Variants in ADGRG5 observed in about 807,000 individuals in gnomAD.
ADGRG5 encodes the protein adhesion G protein-coupled receptor G5, also known as G protein-coupled receptor 114.
Under a neutral mutation model 53.2 loss-of-function variants are expected in ADGRG5, and 37 were observed. The ratio of observed to expected loss-of-function variants is 0.70; its 90% CI spans 0.53 to 0.91. The LOEUF is 0.91. Among genes scored for constraint, ADGRG5 ranks in the 40% least tolerant of loss-of-function variants. The pLI is 0.00. For missense variants in ADGRG5, 614 were observed against 675.8 expected (o/e 0.91, Z 1.01); for synonymous variants, 277 against 290.4 (o/e 0.95, Z 0.47).
chr16:57,543,102 C>T (rs1263696765), intron 1 of ADGRG5: 1 of 152,024 alleles, frequency 6.6e-6, no homozygotes, highest in Admixed American at 6.6e-5. Flanking sequence ...ACAGTTTGTG[C>T]TTGGCAATCT....
chr16:57,567,604 C>G lies in ADGRG5; in HGVS notation c.821+13C>G. The stretch of plus-strand genomic sequence containing the variant: ...ACTTCCATTTCAGGTATTCCGCTGC[C>G]ACAGTGCTGGGCCTGCCCTGCACTG... On this transcript the variant is annotated intron_variant, in intron 8 of 11. Coordinates refer to ENST00000349457, the MANE Select transcript of ADGRG5 (RefSeq NM_001304376.3). The G allele has an allele frequency of 6.2e-7, 1 of 1,608,376 alleles. No homozygotes were observed. The highest frequency in any genetic ancestry group is 1.3e-5 in the African/African-American group (1 of 75,004).
intron 3 of ADGRG5, 128 bp from the exon 4 acceptor site, chr16:57,562,963 G>A (rs1419245765): frequency 5.0e-6 from 4 of 800,878 alleles, no homozygotes. Flanking sequence ...TGTGTGTGCA[G>A]TGGTCTGGAG....
the ADGRG5 span, among the ~76,000 whole-genome samples, chr16:57,535,080 C>A: frequency 6.6e-6 from 1 of 152,308 alleles, no homozygotes; most frequent in East Asian, 1.9e-4. Context: ...AAGCCCATGG[C>A]CACAGGCCTG....
intron 10 of ADGRG5, among the ~76,000 whole-genome samples, chr16:57,573,198 G>A (rs796087842): frequency 4.6e-5 from 7 of 152,218 alleles, no homozygotes; most frequent in East Asian, 1.9e-4. Flanking sequence ...TTGGAAGGCC[G>A]AGGCAGGTGG....
chr16:57,541,703 C>T (rs1418899205), upstream of ADGRG5, among the ~76,000 whole-genome samples: 2 of 152,176 alleles, frequency 1.3e-5, no homozygotes, highest in Non-Finnish European at 2.9e-5. Context: ...GAGCACATTC[C>T]TGAGTCAGTT....
At chr16:57,571,969 G>C (rs1362368152) in intron 10 of ADGRG5, among the ~76,000 whole-genome samples, 2 of 151,810 alleles carry the variant, frequency 1.3e-5, no homozygotes, top group African/African-American at 4.8e-5. Context: ...AATATGATGA[G>C]GACAAAGGAG....
At position 57,574,828 on chromosome 16, in the gene ADGRG5, A is replaced by C. The variant is rs780692197; in HGVS notation, c.1222A>C (p.Ser408Arg). The C allele has an allele frequency of 1.3e-6, 2 of 1,583,310 alleles. No homozygotes were observed. The highest frequency in any genetic ancestry group is 1.7e-6 in the Non-Finnish European group (2 of 1,161,430). Reference sequence around the variant, plus strand: ...CCTCCCCTGCAGATGCTGGGTGCGGAGCCCCGTGGTGCACAGTGTCCTGGT... The same window carrying C: ...CCTCCCCTGCAGATGCTGGGTGCGGCGCCCCGTGGTGCACAGTGTCCTGGT... ...FQNMSICWVR[S>R]PVVHSVLVMG... is the part of the protein sequence containing the mutation. The change falls in exon 11 of 12, where the codon AGC becomes CGC. Residue 408 changes from serine (S) to arginine (R), a missense_variant. Physicochemically the swap from Ser to Arg is moderately radical, Grantham distance 110. Transcript: ENST00000349457. The surrounding 1 kb of genome is among the most constrained non-coding windows in gnomAD (Gnocchi z 4.4).
At chr16:57,568,160 C>T (rs371540849) in intron 9 of ADGRG5, 36 bp downstream of exon 9, 91 of 1,606,946 alleles carry the variant, frequency 5.7e-5, no homozygotes, top group Non-Finnish European at 7.4e-5. Context: ...CCTCAGACTT[C>T]CAGGTGGGCA....
In ADGRG5 at chr16:57,556,908, C is replaced by CTTTTTTTTTTTTT. The variant is rs35948606; in HGVS notation, c.-38-5141_-38-5129dup. Among the ~76,000 whole-genome samples the CTTTTTTTTTTTTT allele has an allele frequency of 1.7e-3, 191 of 115,726 alleles. 8 individuals carry two copies. Among genetic ancestry groups the CTTTTTTTTTTTTT allele is most frequent in the African/African-American group, 6.6e-3 (182 of 27,408 alleles). 75.9% of individuals were successfully genotyped at this position (115,726 alleles called of 152,430 possible). Reference sequence around the variant, plus strand: ...GAAGAAGTTCTTATTTTGCCTTCTTCTTTTTTTTTTTTTTTTTTTGAGACA... The same window carrying CTTTTTTTTTTTTT: ...GAAGAAGTTCTTATTTTGCCTTCTTCTTTTTTTTTTTTTTTTTTTTTTTTTTTTTTTTGAGACA... On this transcript the variant is annotated intron_variant, in intron 1 of 11. Transcript: ENST00000349457.
chr16:57,570,141 C>T (rs1213134072), intron 9 of ADGRG5, among the ~76,000 whole-genome samples: 5 of 152,214 alleles, frequency 3.3e-5, no homozygotes, highest in African/African-American at 1.2e-4. Context: ...CAGCAGTTCC[C>T]CAGTCCTCCC....
upstream of ADGRG5, among the ~76,000 whole-genome samples, chr16:57,538,377 G>A (rs1344128745): frequency 6.6e-6 from 1 of 152,148 alleles, no homozygotes; most frequent in Admixed American, 6.5e-5. Context: ...AGCCAAAGCG[G>A]GAGGATCGCC....
chr16:57,562,691 A>T, intron 3 of ADGRG5: 1 of 562,464 alleles, frequency 1.8e-6, no homozygotes, highest in Non-Finnish European at 3.2e-6. Context: ...GTGCAGAATT[A>T]TGGGTCTCCA....
At position 57,565,091 on chromosome 16, in the gene ADGRG5, G is replaced by A; in HGVS notation, c.487G>A (p.Gly163Arg). The A allele has an allele frequency of 6.2e-7, 1 of 1,613,994 alleles. No homozygotes were observed. The highest frequency in any genetic ancestry group is 8.5e-7 in the Non-Finnish European group (1 of 1,179,922). ...NYVLGAQLSH[G>R]HVNNLRDPVN... ...CGTCCTGGGGGCCCAGCTGAGTCAT[G>A]GGCACGTGAACAACCTCAGGGATCC... The change falls in exon 6 of 12, where the codon GGG (glycine) becomes AGG (arginine). Residue 163 changes from glycine (G) to arginine (R), a missense_variant. Coordinates refer to ENST00000349457, the MANE Select transcript of ADGRG5 (RefSeq NM_001304376.3).
At chr16:57,557,522 G>A (rs2032910742) in intron 1 of ADGRG5, among the ~76,000 whole-genome samples, 1 of 152,004 alleles carries the variant, frequency 6.6e-6, no homozygotes, top group South Asian at 2.1e-4. Context: ...AAAAAAATTG[G>A]CCATTTTTTA....
At chr16:57,543,278 C>CTTTTTTTTTTTT (rs3030608) in intron 1 of ADGRG5, 1 of 81,498 alleles carries the variant, frequency 1.2e-5, no homozygotes, top group African/African-American at 4.8e-5. Context: ...TTTCTTAGGG[C>CTTTTTTTTTTTT]TTTTTTTTTT....
chr16:57,575,376 G>T, intron 11 of ADGRG5, 62 bp from the exon 12 acceptor site: 1 of 1,498,648 alleles, frequency 6.7e-7, no homozygotes, highest in Non-Finnish European at 9.3e-7. Flanking sequence ...CTGCAGCCAA[G>T]GAGACCCTGG....
At chr16:57,549,272 A>G (rs1232400473) in intron 1 of ADGRG5, among the ~76,000 whole-genome samples, 1 of 152,210 alleles carries the variant, frequency 6.6e-6, no homozygotes, top group Non-Finnish European at 1.5e-5. Context: ...CAGATCTTAG[A>G]CAGAGAGTGC....
chr16:57,557,793 T>G (rs2032915738), intron 1 of ADGRG5, among the ~76,000 whole-genome samples: 1 of 152,174 alleles, frequency 6.6e-6, no homozygotes, highest in African/African-American at 2.4e-5. Context: ...TGATATCGAG[T>G]TTTTTATTTC....
At chr16:57,550,807 A>C (rs1396804431) in intron 1 of ADGRG5, among the ~76,000 whole-genome samples, 1 of 152,098 alleles carries the variant, frequency 6.6e-6, no homozygotes, top group African/African-American at 2.4e-5. Flanking sequence ...AGGCGGGCGG[A>C]TCATGAGGTC....
Sources: allele counts gnomAD v4.1 joint callset (sites outside exome capture counted in the v4.1 genomes callset), GRCh38; gene constraint gnomAD v4.1.1; non-coding constraint Gnocchi (gnomAD v3.1); transcripts MANE v1.5; gene names NCBI Gene and HGNC (gene_info 2026-07-23, HGNC 2026-07-21).